CHN1: variants seen among roughly 807,000 people sequenced by gnomAD.
CHN1 encodes N-chimaerin.
A neutral mutation model predicts 59.5 loss-of-function variants in CHN1; 37 were observed. The observed-to-expected ratio is 0.62, with a 90% CI of 0.48 to 0.82. The LOEUF (loss-of-function observed/expected upper bound fraction) is 0.82. Among genes scored for constraint, CHN1 ranks in the 40% least tolerant of loss-of-function variants. CHN1 has a pLI of 0.00. For synonymous variants in CHN1, 206 were observed against 200.4 expected, an observed-to-expected ratio of 1.03 and a Z score of -0.24; for missense variants, 469 against 571.0, an observed-to-expected ratio of 0.82 and a Z score of 1.82.
chr2:174,912,359 A>T (rs983943895), intron 5 of CHN1, among the ~76,000 whole-genome samples: 5 of 152,194 alleles, frequency 3.3e-5, no homozygotes, highest in African/African-American at 1.2e-4. Context: ...AAAACTGAAA[A>T]TAATTTCTTA....
chr2:174,914,842 C>CAAAAAA (rs577375465), intron 5 of CHN1, among the ~76,000 whole-genome samples: 1 of 100,078 alleles, frequency 1.0e-5, no homozygotes, highest in Admixed American at 1.1e-4. Context: ...AGATTCCATT[C>CAAAAAA]AAAAAAAAAA....
intron 5 of CHN1, among the ~76,000 whole-genome samples, chr2:174,878,753 T>A (rs1010188286): frequency 4.6e-5 from 7 of 152,256 alleles, no homozygotes; most frequent in Admixed American, 4.6e-4. Flanking sequence ...TGTCTGCTGG[T>A]TAGGTCTGTG....
chr2:174,907,226 A>C (rs1168398891), intron 5 of CHN1, among the ~76,000 whole-genome samples: 3 of 152,184 alleles, frequency 2.0e-5, no homozygotes, highest in Non-Finnish European at 4.4e-5. Context: ...AAAGTCCATG[A>C]AAAGGGGGTC....
At chr2:174,956,456 A>G (rs1241704222) in intron 1 of CHN1, among the ~76,000 whole-genome samples, 1 of 152,120 alleles carries the variant, frequency 6.6e-6, no homozygotes, top group Admixed American at 6.5e-5. Flanking sequence ...CAAAACACAC[A>G]CACAAATATG....
intron 7 of CHN1, among the ~76,000 whole-genome samples, chr2:174,841,677 T>A (rs1686307361): frequency 6.6e-6 from 1 of 152,170 alleles, no homozygotes. Flanking sequence ...AAATTCCAAG[T>A]AAGAAATTAT....
At position 174,927,597 on chromosome 2, in the gene CHN1, C is replaced by A. The variant is rs1298485038; in HGVS notation, c.115-9032G>T. On this transcript the variant is annotated intron_variant, in intron 3 of 12. Coordinates refer to ENST00000409900, the MANE Select transcript of CHN1 (RefSeq NM_001822.7). ...TTCTTTTTTTTATTCCTGATTATTT[C>A]TTTTAGTAAGGAAACTTTTCCATGG... is the stretch of plus-strand genomic sequence containing the variant. Among the ~76,000 whole-genome samples, 5 of 152,048 alleles carry A rather than the reference C, an allele frequency of 3.3e-5. No homozygotes were observed. In the East Asian group the frequency reaches 9.6e-4, roughly 29 times the overall value.
chr2:174,852,170 C>T (rs1686753922), intron 6 of CHN1, among the ~76,000 whole-genome samples: 1 of 151,598 alleles, frequency 6.6e-6, no homozygotes, highest in Non-Finnish European at 1.5e-5. Flanking sequence ...GCACCTGTAA[C>T]CTCAGCTACT....
chr2:174,899,976 C>T (rs1688337806), intron 5 of CHN1, among the ~76,000 whole-genome samples: 1 of 152,200 alleles, frequency 6.6e-6, no homozygotes, highest in African/African-American at 2.4e-5. Flanking sequence ...TTTTGTTTCA[C>T]TGCAGAACTT....
At chr2:174,846,749 TCTCA>T (rs1240406903) in intron 7 of CHN1, 127 bp downstream of exon 7, 8 of 971,608 alleles carry the variant, frequency 8.2e-6, no homozygotes, top group Admixed American at 2.9e-5. Flanking sequence ...GCTGAAAACA[TCTCA>T]CTCCTTAAAT....
chr2:174,895,043 A>ATG (rs1337059007), intron 5 of CHN1, among the ~76,000 whole-genome samples: 3 of 148,098 alleles, frequency 2.0e-5, no homozygotes, highest in African/African-American at 7.7e-5. Flanking sequence ...ACACACACAC[A>ATG]CGCGCGCACA....
chr2:174,958,339 T>C (rs948830504), intron 1 of CHN1, among the ~76,000 whole-genome samples: 1 of 152,192 alleles, frequency 6.6e-6, no homozygotes, highest in African/African-American at 2.4e-5. Flanking sequence ...AAGTAATGTT[T>C]AGTGAGTTCT....
At chr2:174,882,276 T>C (rs997838279) in intron 5 of CHN1, among the ~76,000 whole-genome samples, 3 of 152,222 alleles carry the variant, frequency 2.0e-5, no homozygotes, top group Non-Finnish European at 4.4e-5. Flanking sequence ...AGAATATCTT[T>C]CTCCAGTGAT....
intron 7 of CHN1, chr2:174,846,439 T>C (rs1001782623): frequency 6.5e-7 from 1 of 1,530,506 alleles, no homozygotes; most frequent in African/African-American, 1.4e-5. Context: ...AGACAGAAAC[T>C]ATGAGAAATG....
chr2:174,839,011 T>C (rs1418607324), intron 7 of CHN1, among the ~76,000 whole-genome samples: 1 of 150,250 alleles, frequency 6.7e-6, no homozygotes, highest in Non-Finnish European at 1.5e-5. Context: ...AGTGAGACTC[T>C]GTCTTAAAAA....
intron 1 of CHN1, among the ~76,000 whole-genome samples, chr2:174,988,213 C>T (rs1387245809): frequency 1.3e-5 from 2 of 151,308 alleles, no homozygotes; most frequent in African/African-American, 4.9e-5. Context: ...AAAAATTAGC[C>T]GGGCATGGTG....
chr2:174,923,396 TCCC>T (rs1178120317), intron 3 of CHN1, among the ~76,000 whole-genome samples: 4 of 152,292 alleles, frequency 2.6e-5, no homozygotes, highest in African/African-American at 9.6e-5. Context: ...CACCTCGGCC[TCCC>T]AAAGTGCTGG....
chr2:174,945,472 T>C (rs999385247), intron 2 of CHN1, among the ~76,000 whole-genome samples: 2 of 152,120 alleles, frequency 1.3e-5, no homozygotes, highest in African/African-American at 4.8e-5. Flanking sequence ...CTAGGGCAAA[T>C]ATAGCAAAAG....
intron 5 of CHN1, among the ~76,000 whole-genome samples, chr2:174,892,644 CCAGA>C (rs904187100): frequency 1.3e-5 from 2 of 152,096 alleles, no homozygotes; most frequent in African/African-American, 4.8e-5. Context: ...GATACCAAAG[CCAGA>C]CAAAGATTAC....
intron 5 of CHN1, among the ~76,000 whole-genome samples, chr2:174,895,023 CAT>C (rs1688168052): frequency 6.7e-6 from 1 of 148,686 alleles, no homozygotes; most frequent in Non-Finnish European, 1.5e-5. Flanking sequence ...GCTGGAAAAA[CAT>C]AGTATATACA....
Sources: allele counts gnomAD v4.1 joint callset (sites outside exome capture counted in the v4.1 genomes callset), GRCh38; gene constraint gnomAD v4.1.1; transcripts MANE v1.5; gene names NCBI Gene and HGNC (gene_info 2026-07-23, HGNC 2026-07-21).